The following VPS54 variants were observed in gnomAD, a reference collection of about 807,000 sequenced individuals.
VPS54 encodes VPS54 subunit of GARP complex, also known as vacuolar protein sorting-associated protein 54.
Under a neutral mutation model 121.5 loss-of-function variants are expected in VPS54, and 45 were observed. The observed-to-expected ratio is 0.37, with a 90% CI of 0.29 to 0.47. The LOEUF is 0.47. Among genes scored for constraint, VPS54 ranks in the 20% least tolerant of loss-of-function variants. VPS54 has a pLI of 0.99. For missense variants in VPS54, 1,090 were observed against 1,131.4 expected (o/e 0.96, Z 0.52); for synonymous variants, 371 against 385.8 (o/e 0.96, Z 0.45).
intron 8 of VPS54, among the ~76,000 whole-genome samples, chr2:63,948,601 G>A (rs7420692): frequency 0.13 from 20,157 of 151,472 alleles, 2,624 homozygotes; most frequent in African/African-American, 0.34. Flanking sequence ...GAGTCTCCCT[G>A]TGTTGCCAAG....
intron 1 of VPS54, among the ~76,000 whole-genome samples, chr2:64,002,451 T>G (rs1677929576): frequency 6.6e-6 from 1 of 152,210 alleles, no homozygotes. Flanking sequence ...TAAATACATT[T>G]TGACATGAAG....
chr2:63,904,438 C>CAAAAA (rs58651830), intron 20 of VPS54, among the ~76,000 whole-genome samples: 9 of 19,932 alleles, frequency 4.5e-4, no homozygotes, highest in African/African-American at 1.9e-3. Context: ...GACTTGGTCT[C>CAAAAA]AAAAAAAAAA....
chr2:63,918,372 T>A (rs768582489), intron 15 of VPS54, among the ~76,000 whole-genome samples: 8 of 151,982 alleles, frequency 5.3e-5, no homozygotes, highest in Admixed American at 6.6e-5. Context: ...AGAAAACATA[T>A]CCTAGTCATC....
intron 1 of VPS54, among the ~76,000 whole-genome samples, chr2:63,993,069 T>C (rs928335149): frequency 3.9e-5 from 6 of 152,202 alleles, no homozygotes; most frequent in Non-Finnish European, 7.3e-5. Context: ...TTGACTGTTA[T>C]CAAATTTTGA....
intron 1 of VPS54, among the ~76,000 whole-genome samples, chr2:64,007,153 A>G (rs1437718528): frequency 6.6e-6 from 1 of 152,228 alleles, no homozygotes; most frequent in Admixed American, 6.5e-5. Context: ...AAAAGTCACC[A>G]AAGCATAGAA....
rs747731456 is a variant in VPS54, at chr2:63,909,725, G to GTTTTTGTTTT, written c.2625+2619_2625+2620insAAAACAAAAA. On this transcript the variant is annotated intron_variant, in intron 20 of 22. Coordinates refer to ENST00000272322, the MANE Select transcript of VPS54 (RefSeq NM_016516.3). ...AAGCGACCTCGCCTGGCCGTTTTTGGTTTTTTTTTTTTTTTTGAGACAGAG... is the reference window on the plus strand; with the variant it reads ...AAGCGACCTCGCCTGGCCGTTTTTGGTTTTTGTTTTTTTTTTTTTTTTTTTTGAGACAGAG... 4.3e-4 allele frequency among the ~76,000 whole-genome samples: 50 copies of GTTTTTGTTTT among 115,240 alleles called. 1 individual carries two copies. Among genetic ancestry groups the GTTTTTGTTTT allele is most frequent in the Admixed American group, 6.3e-4 (7 of 11,158 alleles). 75.6% of individuals were successfully genotyped at this position (115,240 alleles called of 152,430 possible).
chr2:63,893,422 G>C lies in VPS54; in HGVS notation c.*8C>G, dbSNP rs1296122646. 2 of 1,610,526 alleles carry C rather than the reference G, an allele frequency of 1.2e-6. No individual in the cohort carries two copies. The highest frequency in any genetic ancestry group is 1.7e-6 in the Non-Finnish European group (2 of 1,176,816). On this transcript the variant is annotated 3_prime_UTR_variant, in exon 23 of 23. Transcript: ENST00000272322. ...GTCAGATGAACTACCCAGTTTTCCAGGATGACATCACCTCTTCTGCTCCCA... is the reference window on the plus strand; with the variant it reads ...GTCAGATGAACTACCCAGTTTTCCACGATGACATCACCTCTTCTGCTCCCA...
At position 63,992,018 on chromosome 2, in the gene VPS54, GT is replaced by G. The variant is rs1677344631; in HGVS notation, c.-20-8000del. 3.3e-5 allele frequency among the ~76,000 whole-genome samples: 5 copies of G among 152,188 alleles called. No individual in the cohort carries two copies. In the South Asian group the frequency reaches 1.0e-3, roughly 31 times the overall value. ...TACCTCAAGGTTTGGTGAGCCTGGT[GT>G]TAGGTAGGGCATCCACCTCTGCTAA... is the stretch of plus-strand genomic sequence containing the variant. On this transcript the variant is annotated intron_variant, in intron 1 of 22. Coordinates refer to ENST00000272322, the MANE Select transcript of VPS54 (RefSeq NM_016516.3).
chr2:63,903,395 T>C (rs539313878), intron 20 of VPS54, among the ~76,000 whole-genome samples: 1 of 152,184 alleles, frequency 6.6e-6, no homozygotes, highest in African/African-American at 2.4e-5. Context: ...ACAAGAAATA[T>C]GAGTGGAATG....
chr2:63,922,992 T>G (rs1055534326), intron 12 of VPS54, among the ~76,000 whole-genome samples: 3 of 151,984 alleles, frequency 2.0e-5, no homozygotes, highest in African/African-American at 7.2e-5. Context: ...TTAAAATAAT[T>G]TCATTCATTG....
rs762172848 is a variant in VPS54, at chr2:63,919,909, A to G, written c.2138T>C (p.Ile713Thr). The change falls in exon 15 of 23, where the codon ATT (isoleucine) becomes ACT (threonine). Residue 713 changes from isoleucine to threonine, a missense_variant. Transcript: ENST00000272322. ...TCCTGATTTTTTTTCAGGTAAAGCA[A>G]TCTTCCCATCTGACAGAGAATCAAC... is the stretch of plus-strand genomic sequence containing the variant. ...DLVDSLSDGK[I>T]ALPEKKSGAT... The G allele has an allele frequency of 6.2e-7, 1 of 1,611,624 alleles. No individual in the cohort carries two copies.
chr2:63,980,004 G>A (rs1433237072), intron 3 of VPS54, among the ~76,000 whole-genome samples: 6 of 152,076 alleles, frequency 3.9e-5, no homozygotes, highest in Admixed American at 6.5e-5. Context: ...AATGGTTCAA[G>A]TCTATTATAA....
At chr2:63,900,524 A>G (rs991631466) in intron 20 of VPS54, among the ~76,000 whole-genome samples, 8 of 152,192 alleles carry the variant, frequency 5.3e-5, no homozygotes, top group Non-Finnish European at 1.2e-4. Context: ...TTTATAAGAC[A>G]AATTTGGGCT....
chr2:63,909,725 G>GTTTTTTTTTTTTTT (rs1553470849), intron 20 of VPS54, among the ~76,000 whole-genome samples: 10 of 115,248 alleles, frequency 8.7e-5, no homozygotes, highest in African/African-American at 3.2e-4. Flanking sequence ...GCCGTTTTTG[G>GTTTTTTTTTTTTTT]TTTTTTTTTT....
In VPS54 at chr2:63,997,802, G is replaced by A. The variant is rs1011439406; in HGVS notation, c.-20-13783C>T. Among the ~76,000 whole-genome samples, 6 of 151,344 alleles carry A rather than the reference G, an allele frequency of 4.0e-5. No individual in the cohort carries two copies. In the East Asian group the frequency reaches 1.2e-3, roughly 29 times the overall value. On this transcript the variant is annotated intron_variant, in intron 1 of 22. Coordinates refer to ENST00000272322, the MANE Select transcript of VPS54 (RefSeq NM_016516.3). The stretch of plus-strand genomic sequence containing the variant: ...ATCCATCATTAGGTTTTTATTTAAA[G>A]TTTTTCTTCTTTTTGATGTAGGCAC...
intron 5 of VPS54, among the ~76,000 whole-genome samples, chr2:63,966,795 T>G (rs1251600515): frequency 6.6e-6 from 1 of 152,224 alleles, no homozygotes; most frequent in Non-Finnish European, 1.5e-5. Flanking sequence ...CCCATTACAC[T>G]CTAGCAATAT....
At chr2:63,919,430 G>T (rs754776362) in intron 15 of VPS54, among the ~76,000 whole-genome samples, 7 of 152,022 alleles carry the variant, frequency 4.6e-5, no homozygotes, top group Non-Finnish European at 8.8e-5. Flanking sequence ...CTCAATATAG[G>T]ACACAAAGTA....
At chr2:63,947,175 GA>G (rs1675018696) in intron 9 of VPS54, among the ~76,000 whole-genome samples, 1 of 151,936 alleles carries the variant, frequency 6.6e-6, no homozygotes, top group Non-Finnish European at 1.5e-5. Flanking sequence ...GACAACATAA[GA>G]AAATCAGTCT....
intron 10 of VPS54, among the ~76,000 whole-genome samples, chr2:63,943,401 G>T (rs1400089623): frequency 6.6e-6 from 1 of 152,168 alleles, no homozygotes; most frequent in Non-Finnish European, 1.5e-5. Context: ...TAGGGAAGAA[G>T]AAAAACTGAC....
Sources: allele counts gnomAD v4.1 joint callset (sites outside exome capture counted in the v4.1 genomes callset), GRCh38; gene constraint gnomAD v4.1.1; transcripts MANE v1.5; gene names NCBI Gene and HGNC (gene_info 2026-07-23, HGNC 2026-07-21).